The following CUL5 variants were observed in gnomAD, a reference collection of about 807,000 sequenced individuals.
CUL5 encodes cullin-5.
In CUL5, 26 loss-of-function variants were observed where a neutral mutation model predicts 108.8. The observed-to-expected ratio is 0.24, with a 90% CI of 0.18 to 0.33. The LOEUF is 0.33. Among genes scored for constraint, CUL5 ranks in the 10% least tolerant of loss-of-function variants. CUL5 has a pLI of 1.00. For synonymous variants in CUL5, 334 were observed against 298.0 expected, an observed-to-expected ratio of 1.12 and a Z score of -1.25; for missense variants, 524 against 909.2, an observed-to-expected ratio of 0.58 and a Z score of 5.45.
intron 1 of CUL5, among the ~76,000 whole-genome samples, chr11:108,030,603 C>A (rs1404072228): frequency 6.6e-6 from 1 of 152,166 alleles, no homozygotes; most frequent in Non-Finnish European, 1.5e-5. Flanking sequence ...TGCCACCGCG[C>A]TCCAGCTTGG....
intron 15 of CUL5, 87 bp from the exon 16 acceptor site, chr11:108,095,443 C>T: frequency 1.0e-6 from 1 of 952,900 alleles, no homozygotes; most frequent in Non-Finnish European, 1.5e-6. Context: ...AAGACAGCAA[C>T]CTTTTTCATA....
rs1416165686 is a variant in CUL5, at chr11:108,095,002, T to C, written c.1743+15T>C. 1 of 1,583,560 alleles carries C rather than the reference T, an allele frequency of 6.3e-7. No individual in the cohort carries two copies. The highest frequency in any genetic ancestry group is 1.8e-5 in the Admixed American group (1 of 56,120). ...CAAATGGAATTGTAAGTAGATAGTG[T>C]GTTAGTTATTTCAGCTTTCAGTTTG... On this transcript the variant is annotated intron_variant, in intron 15 of 18. Transcript: ENST00000393094.
chr11:108,015,950 G>A (rs914206608), intron 1 of CUL5, among the ~76,000 whole-genome samples: 3 of 151,918 alleles, frequency 2.0e-5, no homozygotes, highest in African/African-American at 7.3e-5. Flanking sequence ...TTGAGAGGAG[G>A]TCTCACTCTC....
At chr11:108,057,191 C>G (rs1314734657) in intron 7 of CUL5, among the ~76,000 whole-genome samples, 5 of 151,916 alleles carry the variant, frequency 3.3e-5, no homozygotes, top group Non-Finnish European at 7.4e-5. Flanking sequence ...GCCACTACAC[C>G]TGGCTAATTT....
chr11:108,037,910 C>T (rs940160443), intron 2 of CUL5, among the ~76,000 whole-genome samples: 5 of 152,200 alleles, frequency 3.3e-5, no homozygotes, highest in African/African-American at 1.2e-4. Flanking sequence ...GGATAGCAGT[C>T]TCAGACACAC....
Position 108,009,216 on chromosome 11 carries a change from C to T in CUL5, c.-133C>T. ...CGAGGTCAGCGCTGTCGGCGCGCTG[C>T]TCCAGCGCCCACCACACCCTGGTGC... On this transcript the variant is annotated 5_prime_UTR_variant, in exon 1 of 19. Coordinates refer to ENST00000393094, the MANE Select transcript of CUL5 (RefSeq NM_003478.6). 3 of 897,250 alleles carry T rather than the reference C, an allele frequency of 3.3e-6. No individual in the cohort carries two copies. The highest frequency in any genetic ancestry group is 2.5e-5 in the East Asian group (1 of 39,220). 55.6% of individuals were successfully genotyped at this position (897,250 alleles called of 1,614,324 possible).
chr11:108,103,419 A>T (rs528590027), intron 18 of CUL5, among the ~76,000 whole-genome samples: 1 of 152,198 alleles, frequency 6.6e-6, no homozygotes, highest in South Asian at 2.1e-4. Flanking sequence ...GAAGGGGAAA[A>T]AAAAAACCTT....
chr11:108,088,418 C>T, intron 11 of CUL5, 109 bp from the exon 12 acceptor site: 1 of 1,210,634 alleles, frequency 8.3e-7, no homozygotes, highest in Non-Finnish European at 1.1e-6. Context: ...CAAACCTGAT[C>T]ACTAGATTAT....
In CUL5 at chr11:108,054,704, A is replaced by G; in HGVS notation, c.611A>G (p.Lys204Arg). 6.2e-7 allele frequency: 1 copy of G among 1,608,796 alleles called. No homozygotes were observed. The highest frequency in any genetic ancestry group is 8.5e-7 in the Non-Finnish European group (1 of 1,175,934). Residue 204 changes from lysine to arginine, a missense_variant, in exon 6 of 19, where the codon AAG becomes AGG. Coordinates refer to ENST00000393094, the MANE Select transcript of CUL5 (RefSeq NM_003478.6). The stretch of plus-strand genomic sequence containing the variant: ...CAAATTTATAGGGACAATTTTGAGA[A>G]GGCATACTTGGATTCAACAGAGAGA... ...KLQIYRDNFE[K>R]AYLDSTERFY... is the part of the protein sequence containing the mutation.
At chr11:108,050,358 C>T in intron 4 of CUL5, among the ~76,000 whole-genome samples, 1 of 150,960 alleles carries the variant, frequency 6.6e-6, no homozygotes, top group African/African-American at 2.4e-5. Flanking sequence ...TTTCTCTATT[C>T]TTTCTTTGTA....
chr11:108,049,783 G>A (rs1379405542), intron 3 of CUL5, 107 bp from the exon 4 acceptor site: 4 of 862,512 alleles, frequency 4.6e-6, no homozygotes, highest in South Asian at 1.7e-5. Context: ...ATAAGAGCTT[G>A]TACAATAATT....
rs1053128082 is a variant in CUL5 at position 108,070,215 on chromosome 11, T to C, written c.874+26T>C. ...GTAGGTAAAACATCACATAAAGTTATCATAATCTTCTAAGAGGGTATCTTT... is the reference window on the plus strand; with the variant it reads ...GTAGGTAAAACATCACATAAAGTTACCATAATCTTCTAAGAGGGTATCTTT... On this transcript the variant is annotated intron_variant, in intron 8 of 18. Coordinates refer to ENST00000393094, the MANE Select transcript of CUL5 (RefSeq NM_003478.6). The C allele has an allele frequency of 4.7e-6, 7 of 1,503,140 alleles. No individual in the cohort carries two copies. In the Admixed American group the frequency reaches 6.9e-5, roughly 15 times the overall value. The allele number at this position is 1,503,140 out of a possible 1,614,324, so 93.1% of individuals were successfully genotyped here.
intron 3 of CUL5, among the ~76,000 whole-genome samples, chr11:108,047,706 AAAATT>A (rs879475216): frequency 1.3e-5 from 2 of 152,258 alleles, no homozygotes; most frequent in Non-Finnish European, 2.9e-5. Flanking sequence ...AAGCACTTAG[AAAATT>A]AAATGTTTCA....
chr11:108,009,834 A>G (rs923758474), intron 1 of CUL5, among the ~76,000 whole-genome samples: 2 of 152,084 alleles, frequency 1.3e-5, no homozygotes, highest in African/African-American at 2.4e-5. Flanking sequence ...TCTGCACGAA[A>G]TTCCGAGTCA....
chr11:108,081,293 C>T (rs1428874146), intron 11 of CUL5, among the ~76,000 whole-genome samples: 1 of 151,610 alleles, frequency 6.6e-6, no homozygotes, highest in Non-Finnish European at 1.5e-5. Context: ...GTCTCAACAA[C>T]AACAACAAGA....
intron 13 of CUL5, among the ~76,000 whole-genome samples, chr11:108,091,505 C>T (rs1019340387): frequency 6.6e-6 from 1 of 151,846 alleles, no homozygotes; most frequent in African/African-American, 2.4e-5. Context: ...GCCTGGGCAA[C>T]GTGGTGAAAC....
At chr11:108,030,242 CATTT>C (rs1423158039) in intron 1 of CUL5, among the ~76,000 whole-genome samples, 5 of 152,340 alleles carry the variant, frequency 3.3e-5, no homozygotes, top group Non-Finnish European at 7.4e-5. Flanking sequence ...TTACGTGATT[CATTT>C]AAGTCCATAA....
intron 2 of CUL5, among the ~76,000 whole-genome samples, chr11:108,042,559 A>G (rs1862954519): frequency 6.6e-6 from 1 of 151,700 alleles, no homozygotes; most frequent in African/African-American, 2.4e-5. Context: ...TTGATAAAAT[A>G]TCCTCTCTCC....
intron 10 of CUL5, among the ~76,000 whole-genome samples, chr11:108,074,234 G>A (rs1263611710): frequency 1.0e-5 from 1 of 98,088 alleles, no homozygotes; most frequent in African/African-American, 4.2e-5. Flanking sequence ...CGCTCTTGTT[G>A]CCCAGGCTTG....
Sources: allele counts gnomAD v4.1 joint callset (sites outside exome capture counted in the v4.1 genomes callset), GRCh38; gene constraint gnomAD v4.1.1; transcripts MANE v1.5; gene names NCBI Gene and HGNC (gene_info 2026-07-23, HGNC 2026-07-21).